BCAR1: variants seen among roughly 807,000 people sequenced by gnomAD.
BCAR1 encodes BCAR1 scaffold protein, Cas family member, also known as breast cancer anti-estrogen resistance protein 1.
BCAR1 carries 30 observed loss-of-function variants against 67.6 expected under a neutral mutation model. That is an observed-to-expected ratio of 0.44 (90% CI 0.33 to 0.60). BCAR1 has a LOEUF of 0.60. BCAR1 is among the 20% of genes least tolerant of loss of function. BCAR1 has a pLI of 0.02. For missense variants in BCAR1, 1,313 were observed against 1,222.3 expected (o/e 1.07, Z -1.11); for synonymous variants, 626 against 556.7 (o/e 1.12, Z -1.75).
At chr16:75,234,204 C>A (rs1028967788) in intron 5 of BCAR1, among the ~76,000 whole-genome samples, 1 of 99,408 alleles carries the variant, frequency 1.0e-5, no homozygotes, top group African/African-American at 4.7e-5. Context: ...CACACACACT[C>A]CCCCAGGCTG....
chr16:75,244,737 G>C (rs944417352), intron 1 of BCAR1, among the ~76,000 whole-genome samples: 2 of 152,370 alleles, frequency 1.3e-5, no homozygotes, highest in African/African-American at 4.8e-5. Flanking sequence ...GCAGCTAGGA[G>C]AGGGCAGGCC....
rs2077682860 is a variant in BCAR1, at chr16:75,251,623, C to A, written c.-141G>T. The stretch of plus-strand genomic sequence containing the variant: ...GCCGCCTCGGCCACCCAGAGCCGGT[C>A]CAGCCGCTCTCCGCCTGCCGCCACG... On this transcript the variant is annotated 5_prime_UTR_variant, in exon 1 of 7. Transcript: ENST00000162330. 2.0e-6 allele frequency: 2 copies of A among 1,010,010 alleles called. No individual in the cohort carries two copies. The highest frequency in any genetic ancestry group is 4.5e-5 in the South Asian group (1 of 22,156). 62.6% of individuals were successfully genotyped at this position (1,010,010 alleles called of 1,614,324 possible).
chr16:75,231,858 G>A (rs1567582771), intron 6 of BCAR1, among the ~76,000 whole-genome samples: 1 of 152,238 alleles, frequency 6.6e-6, no homozygotes, highest in Non-Finnish European at 1.5e-5. Flanking sequence ...CAGAGATATA[G>A]ACCTATATAT....
chr16:75,236,981 G>A lies in BCAR1; in HGVS notation c.813C>T (p.Pro271=). ...QYGQEVYDTP[P]MAVKGPNGRD... is the part of the protein sequence containing the mutation. ...GGCCATTGGGACCCTTGACAGCCAT[G>A]GGGGGTGTGTCATACACCTGGGGCA... Residue 271 remains proline (P), a synonymous_variant, in exon 4 of 7, where the codon CCC becomes CCT. Coordinates refer to ENST00000162330, the MANE Select transcript of BCAR1 (RefSeq NM_014567.5). The A allele has an allele frequency of 1.2e-6, 2 of 1,605,464 alleles. No individual in the cohort carries two copies. Among genetic ancestry groups the A allele is most frequent in the South Asian group, 1.1e-5 (1 of 89,170 alleles).
At chr16:75,263,571 C>A (rs2077949114) in intron 1 of BCAR1, 2 of 985,332 alleles carry the variant, frequency 2.0e-6, no homozygotes, top group South Asian at 9.4e-5. Flanking sequence ...CAGCTGATCC[C>A]CGGCATCTCC....
chr16:75,257,496 C>T (rs1050065451), intron 1 of BCAR1, among the ~76,000 whole-genome samples: 5 of 152,104 alleles, frequency 3.3e-5, no homozygotes, highest in Non-Finnish European at 2.9e-5. Context: ...TCTCTGTCAC[C>T]GAGGCTGGAG....
chr16:75,234,330 C>T (rs553017073), intron 5 of BCAR1, among the ~76,000 whole-genome samples: 3 of 152,290 alleles, frequency 2.0e-5, no homozygotes, highest in East Asian at 3.9e-4. Flanking sequence ...CAGGAAGAGA[C>T]TGGGCAGAGG....
intron 5 of BCAR1, 34 bp from the exon 6 acceptor site, chr16:75,233,969 A>C: frequency 6.4e-7 from 1 of 1,562,516 alleles, no homozygotes; most frequent in Non-Finnish European, 8.7e-7. Flanking sequence ...CGCTGAGGCC[A>C]GTTTTCTGAG....
chr16:75,245,540 C>T (rs1209462570), intron 1 of BCAR1, among the ~76,000 whole-genome samples: 10 of 152,330 alleles, frequency 6.6e-5, no homozygotes, highest in Admixed American at 5.2e-4. Context: ...AGGGAAAGCC[C>T]GGCCCAGGTG....
chr16:75,258,331 C>G (rs150105732), intron 1 of BCAR1, among the ~76,000 whole-genome samples: 4 of 152,210 alleles, frequency 2.6e-5, no homozygotes, highest in Non-Finnish European at 5.9e-5. Context: ...CAGATCCACC[C>G]GCCAACACTG....
chr16:75,267,016 G>A (rs1297336882), intron 1 of BCAR1, among the ~76,000 whole-genome samples: 1 of 152,206 alleles, frequency 6.6e-6, no homozygotes, highest in Non-Finnish European at 1.5e-5. Flanking sequence ...GTGGCTGGAT[G>A]GAGGAAGCAG....
upstream of BCAR1, chr16:75,251,662 A>C: frequency 1.0e-6 from 1 of 997,540 alleles, no homozygotes; most frequent in Non-Finnish European, 1.2e-6. Flanking sequence ...CAGCCGGCCC[A>C]GCCCGATCCC....
intron 1 of BCAR1, chr16:75,263,979 G>A (rs913033854): frequency 2.3e-5 from 27 of 1,172,798 alleles, no homozygotes; most frequent in Middle Eastern, 3.4e-4. Flanking sequence ...CCACGTAGGG[G>A]GCAGATGGCA....
intron 2 of BCAR1, chr16:75,238,384 G>A: frequency 1.8e-6 from 2 of 1,093,298 alleles, no homozygotes; most frequent in Non-Finnish European, 2.2e-6. Context: ...GGATGTCTGG[G>A]ACAGGGTTGA....
At chr16:75,230,384 G>A (rs1013816727) in intron 6 of BCAR1, among the ~76,000 whole-genome samples, 2 of 152,130 alleles carry the variant, frequency 1.3e-5, no homozygotes, top group African/African-American at 4.8e-5. Flanking sequence ...ATGGCTGAAG[G>A]GCACTGGGGA....
intron 1 of BCAR1, chr16:75,266,606 T>C (rs150377213): frequency 0.026 from 19,742 of 762,852 alleles, 390 homozygotes; most frequent in Middle Eastern, 0.1. Flanking sequence ...ACATGGCACC[T>C]GCAGCCACTG....
chr16:75,255,328 G>C (rs1473599218), upstream of BCAR1, among the ~76,000 whole-genome samples: 1 of 152,172 alleles, frequency 6.6e-6, no homozygotes, highest in Non-Finnish European at 1.5e-5. Context: ...CCTGAGGCCG[G>C]AGGTGAGCAC....
At chr16:75,267,099 C>CT (rs913906929) in intron 1 of BCAR1, among the ~76,000 whole-genome samples, 2 of 152,100 alleles carry the variant, frequency 1.3e-5, no homozygotes, top group Non-Finnish European at 2.9e-5. Flanking sequence ...GGTTTTCAGC[C>CT]TTTTTCCCCA....
Position 75,229,918 on chromosome 16 carries a change from G to C in BCAR1, c.2206C>G (p.Leu736Val). ...QPLAPGRTGG[L>V]GPSDRQLLLF... ...AGCAGCTGCCGGTCCGAGGGCCCCA[G>C]GCCGCCTGTTCGCCCCGGGGCCAGG... Residue 736 changes from leucine to valine, a missense_variant, in exon 7 of 7, where the codon CTG becomes GTG. Transcript: ENST00000162330. 6.2e-7 allele frequency: 1 copy of C among 1,607,994 alleles called. No individual in the cohort carries two copies.
Sources: allele counts gnomAD v4.1 joint callset (sites outside exome capture counted in the v4.1 genomes callset), GRCh38; gene constraint gnomAD v4.1.1; transcripts MANE v1.5; gene names NCBI Gene and HGNC (gene_info 2026-07-23, HGNC 2026-07-21).